ZGRF1: variants seen among roughly 807,000 people sequenced by gnomAD.
ZGRF1 encodes the protein 5'-3' DNA helicase ZGRF1.
A neutral mutation model predicts 203.5 loss-of-function variants in ZGRF1; 196 were observed. That is an observed-to-expected ratio of 0.96 (90% CI 0.86 to 1.08). The LOEUF (loss-of-function observed/expected upper bound fraction) is 1.08. Ranked by LOEUF, ZGRF1 falls within the 50% of genes least tolerant of loss-of-function variation. The pLI is 0.00. For synonymous variants in ZGRF1, 809 were observed against 841.3 expected (o/e 0.96, Z 0.66); for missense variants, 2,326 against 2,416.3 (o/e 0.96, Z 0.78).
At chr4:112,608,661 T>A (rs571445739) in intron 8 of ZGRF1, among the ~76,000 whole-genome samples, 11 of 152,242 alleles carry the variant, frequency 7.2e-5, no homozygotes, top group African/African-American at 2.2e-4. Flanking sequence ...TTTTTTCAAG[T>A]GAAAAAAAGA....
intron 22 of ZGRF1, among the ~76,000 whole-genome samples, chr4:112,549,663 T>A (rs370495289): frequency 6.6e-6 from 1 of 152,180 alleles, no homozygotes; most frequent in Non-Finnish European, 1.5e-5. Context: ...TATAAAAGTA[T>A]AGCACATACA....
rs1483100819 is a variant in ZGRF1 at position 112,618,866 on chromosome 4, ACCG to A, written c.1173_1175del (p.Gly392del). ...CCTGATTCCAGGATGGATCATTATT[ACCG>A]ACTGACTGGTCTACATTATACTTTT... On this transcript the variant is annotated inframe_deletion, in exon 6 of 28. Transcript: ENST00000505019. 4.3e-6 allele frequency: 7 copies of A among 1,613,572 alleles called. No individual in the cohort carries two copies. The highest frequency in any genetic ancestry group is 5.9e-6 in the Non-Finnish European group (7 of 1,179,712).
intron 6 of ZGRF1, among the ~76,000 whole-genome samples, chr4:112,614,617 T>A (rs1184022533): frequency 6.6e-6 from 1 of 152,052 alleles, no homozygotes; most frequent in Non-Finnish European, 1.5e-5. Flanking sequence ...TCACCTGAGG[T>A]CAGTTCAAAC....
intron 16 of ZGRF1, among the ~76,000 whole-genome samples, chr4:112,571,879 T>C (rs761547166): frequency 6.6e-6 from 1 of 152,204 alleles, no homozygotes; most frequent in Non-Finnish European, 1.5e-5. Flanking sequence ...TTTGGATTTA[T>C]GAAGCCATGG....
In ZGRF1 at chr4:112,576,497, T is replaced by G. The variant is rs141658820; in HGVS notation, c.4438+5166A>C. 6.6e-3 allele frequency among the ~76,000 whole-genome samples: 1,003 copies of G among 152,154 alleles called. 2 individuals are homozygous for G. The highest frequency in any genetic ancestry group is 0.011 in the Non-Finnish European group (725 of 68,008). On this transcript the variant is annotated intron_variant, in intron 16 of 27. Transcript: ENST00000505019. ...ACTACTCCCAGCTAAAGGAGGAAGT[T>G]TGAACCCATGGCAAAGAAGTTAAAA...
intron 19 of ZGRF1, among the ~76,000 whole-genome samples, chr4:112,559,796 C>T (rs1230809425): frequency 6.6e-6 from 1 of 152,100 alleles, no homozygotes; most frequent in East Asian, 1.9e-4. Flanking sequence ...ATGATACAGT[C>T]AGAACGTAAA....
At chr4:112,623,082 C>T (rs1450321692) in intron 4 of ZGRF1, among the ~76,000 whole-genome samples, 3 of 152,174 alleles carry the variant, frequency 2.0e-5, no homozygotes, top group Non-Finnish European at 4.4e-5. Flanking sequence ...TTGGTTCCCA[C>T]TTACATGTGA....
intron 16 of ZGRF1, chr4:112,565,077 G>C: frequency 7.9e-7 from 1 of 1,258,934 alleles, no homozygotes; most frequent in Non-Finnish European, 1.2e-6. Context: ...GCAAGAGTGT[G>C]CCCTCTACTG....
At chr4:112,540,788 T>C (rs1293399732) in intron 26 of ZGRF1, 33 bp downstream of exon 26, 2 of 1,504,298 alleles carry the variant, frequency 1.3e-6, no homozygotes, top group Non-Finnish European at 1.8e-6. Context: ...TAATATTTAA[T>C]ATATGGCAAA....
chr4:112,566,016 A>T (rs1743005092), intron 16 of ZGRF1, among the ~76,000 whole-genome samples: 1 of 152,232 alleles, frequency 6.6e-6, no homozygotes, highest in Admixed American at 6.5e-5. Context: ...AAAGGACTAT[A>T]AATCATGCTG....
chr4:112,573,199 CA>C (rs1744519934), intron 16 of ZGRF1, among the ~76,000 whole-genome samples: 4 of 149,134 alleles, frequency 2.7e-5, no homozygotes, highest in South Asian at 2.1e-4. Context: ...CACACACACA[CA>C]CCCATGGAAT....
chr4:112,629,860 A>G, intron 3 of ZGRF1: 1 of 238,314 alleles, frequency 4.2e-6, no homozygotes. Context: ...CTCTACTAAA[A>G]ACACAAAAAT....
At chr4:112,628,168 G>C (rs923198896) in intron 3 of ZGRF1, among the ~76,000 whole-genome samples, 2 of 152,138 alleles carry the variant, frequency 1.3e-5, no homozygotes, top group African/African-American at 4.8e-5. Flanking sequence ...TTAGATAAAA[G>C]TCCCTTGAAG....
rs1196790358 is a variant in ZGRF1, at chr4:112,585,625, C to T, written c.4017G>A (p.Leu1339=). 1 of 1,610,586 alleles carries T rather than the reference C, an allele frequency of 6.2e-7. No homozygotes were observed. Residue 1339 remains leucine (L), a synonymous_variant, in exon 14 of 28, where the codon CTG becomes CTA. Coordinates refer to ENST00000505019, the MANE Select transcript of ZGRF1 (RefSeq NM_018392.5). ...SFYTSLKGEK[L]KNAENNVPSC... Reference sequence around the variant, plus strand: ...ATGGTACATTATTTTCTGCGTTTTTCAGTTTCTCTCCCTTCAATGATGTAT... The same window carrying T: ...ATGGTACATTATTTTCTGCGTTTTTTAGTTTCTCTCCCTTCAATGATGTAT...
Position 112,587,634 on chromosome 4 carries a change from A to G in ZGRF1, c.3423T>C (p.Ser1141=). 1 of 1,613,850 alleles carries G rather than the reference A, an allele frequency of 6.2e-7. No individual in the cohort carries two copies. The change falls in exon 12 of 28, where the codon TCT becomes TCC. Residue 1141 remains serine (S), a synonymous_variant. Transcript: ENST00000505019. The part of the protein sequence containing the change: ...NPGDVSLNNI[S]TQSKWLKYQN... ...GATATTTCAGCCACTTGCTCTGAGTAGATATATTATTAAGTGAAACATCCC... is the reference window on the plus strand; with the variant it reads ...GATATTTCAGCCACTTGCTCTGAGTGGATATATTATTAAGTGAAACATCCC...
chr4:112,547,678 A>G (rs546642212), intron 23 of ZGRF1, among the ~76,000 whole-genome samples: 273 of 152,330 alleles, frequency 1.8e-3, no homozygotes, highest in Non-Finnish European at 3.0e-3. Context: ...TTCACAAAGC[A>G]TATTTGGGAA....
At position 112,584,155 on chromosome 4, in the gene ZGRF1, C is replaced by T; in HGVS notation, c.4121G>A (p.Cys1374Tyr). ...ACATCGATCAGCTTTGGGTCCATCA[C>T]ATGTATAAAAGAGACGACCCTAAGG... is the stretch of plus-strand genomic sequence containing the variant. Reference protein sequence around the residue: ...GPNKGRLFYTCDGPKADRCKF... With the variant: ...GPNKGRLFYTYDGPKADRCKF... Residue 1374 changes from cysteine to tyrosine, a missense_variant, in exon 15 of 28, where the codon TGT becomes TAT. Physicochemically the swap from Cys to Tyr is radical, Grantham distance 194 (BLOSUM62 -2). Transcript: ENST00000505019. 6.2e-7 allele frequency: 1 copy of T among 1,603,614 alleles called. No individual in the cohort carries two copies. Among genetic ancestry groups the T allele is most frequent in the East Asian group, 2.2e-5 (1 of 44,742 alleles).
intron 7 of ZGRF1, 149 bp downstream of exon 7, chr4:112,612,375 T>A: frequency 1.8e-6 from 1 of 551,894 alleles, no homozygotes; most frequent in Non-Finnish European, 3.3e-6. Context: ...GCATTTCTTT[T>A]GGCTGAGGAA....
At chr4:112,546,239 C>T (rs72668081) in intron 24 of ZGRF1, among the ~76,000 whole-genome samples, 3,611 of 151,960 alleles carry the variant, frequency 0.024, 77 homozygotes, top group Non-Finnish European at 0.039. Context: ...TGGTGTTTGC[C>T]AGAAGCTATA....
Sources: allele counts gnomAD v4.1 joint callset (sites outside exome capture counted in the v4.1 genomes callset), GRCh38; gene constraint gnomAD v4.1.1; transcripts MANE v1.5; gene names NCBI Gene and HGNC (gene_info 2026-07-23, HGNC 2026-07-21).